The following MIPEP variants were observed in gnomAD, a reference collection of about 807,000 sequenced individuals.
The protein encoded by MIPEP is mitochondrial intermediate peptidase.
MIPEP carries 79 observed loss-of-function variants against 90.3 expected under a neutral mutation model. The ratio of observed to expected loss-of-function variants is 0.87; its 90% confidence interval spans 0.73 to 1.05. MIPEP has a LOEUF of 1.05. Among genes scored for constraint, MIPEP ranks in the 50% least tolerant of loss-of-function variants. The pLI is 0.00. For missense variants in MIPEP, 940 were observed against 905.6 expected (o/e 1.04, Z -0.49); for synonymous variants, 334 against 315.8 (o/e 1.06, Z -0.61).
intron 16 of MIPEP, among the ~76,000 whole-genome samples, chr13:23,789,542 C>T (rs1376651024): frequency 6.6e-6 from 1 of 152,194 alleles, no homozygotes; most frequent in African/African-American, 2.4e-5. Flanking sequence ...GGCCCCATAG[C>T]ATTACTCCAA....
chr13:23,858,241 GT>G (rs1870127955), intron 10 of MIPEP, among the ~76,000 whole-genome samples: 2 of 152,012 alleles, frequency 1.3e-5, no homozygotes, highest in African/African-American at 4.8e-5. Flanking sequence ...CAGAAATAGT[GT>G]GTCTGTAGGG....
At chr13:23,837,905 C>T (rs143749737) in intron 12 of MIPEP, 149 bp from the exon 13 acceptor site, 75 of 580,026 alleles carry the variant, frequency 1.3e-4, no homozygotes, top group African/African-American at 1.2e-3. Context: ...TACATATATA[C>T]ACCTTTTCTT....
At chr13:23,796,602 A>C (rs1404474447) in intron 16 of MIPEP, among the ~76,000 whole-genome samples, 1 of 151,726 alleles carries the variant, frequency 6.6e-6, no homozygotes, top group Non-Finnish European at 1.5e-5. Context: ...AAACAAAAAA[A>C]CTCCACGTAG....
At position 23,840,859 on chromosome 13, in the gene MIPEP, T is replaced by A. The variant is rs80192811; in HGVS notation, c.1260+476A>T. Among the ~76,000 whole-genome samples, 652 of 152,258 alleles carry A rather than the reference T, an allele frequency of 4.3e-3. 2 individuals are homozygous for A. The highest frequency in any genetic ancestry group is 0.015 in the African/African-American group (625 of 41,536). ...TGGGCCTTCACAGGAGAAAGATGATTGCTAGGTTTGAAGTTATTATCAAAG... is the reference window on the plus strand; with the variant it reads ...TGGGCCTTCACAGGAGAAAGATGATAGCTAGGTTTGAAGTTATTATCAAAG... On this transcript the variant is annotated intron_variant, in intron 11 of 18. Transcript: ENST00000382172.
At chr13:23,738,570 C>T (rs1327153687) in intron 18 of MIPEP, among the ~76,000 whole-genome samples, 5 of 151,604 alleles carry the variant, frequency 3.3e-5, no homozygotes, top group African/African-American at 1.2e-4. Flanking sequence ...CCACCTCCGC[C>T]TTCCTCAGCT....
At chr13:23,831,334 T>C (rs1051680118) in intron 14 of MIPEP, among the ~76,000 whole-genome samples, 1 of 125,630 alleles carries the variant, frequency 8.0e-6, no homozygotes. Flanking sequence ...AGGAAAACTC[T>C]GAGTACCCAA....
chr13:23,758,210 A>G (rs183038252), intron 17 of MIPEP, among the ~76,000 whole-genome samples: 44 of 152,270 alleles, frequency 2.9e-4, no homozygotes, highest in Non-Finnish European at 2.9e-5. Flanking sequence ...CATGGGATGT[A>G]GTGCCCTGAC....
rs57512059 is a variant in MIPEP at position 23,831,385 on chromosome 13, G to GCGGGGGGGA, written c.1653+4854_1653+4855insTCCCCCCCG. ...GGGACAGCCTAGCTTCCCCATGGCGGGGGGGGGATGTGGATGGGAATTGCC... is the reference window on the plus strand; with the variant it reads ...GGGACAGCCTAGCTTCCCCATGGCGGCGGGGGGGAGGGGGGGATGTGGATGGGAATTGCC... On this transcript the variant is annotated intron_variant, in intron 14 of 18. Transcript: ENST00000382172. Among the ~76,000 whole-genome samples, 37 of 132,580 alleles carry GCGGGGGGGA rather than the reference G, an allele frequency of 2.8e-4. 1 individual carries two copies. The highest frequency in any genetic ancestry group is 9.9e-4 in the African/African-American group (36 of 36,486). 87.0% of individuals were successfully genotyped at this position (132,580 alleles called of 152,430 possible).
Position 23,870,066 on chromosome 13 carries a change from C to T in MIPEP, c.733G>A (p.Ala245Thr). The T allele has an allele frequency of 6.2e-7, 1 of 1,612,576 alleles. No homozygotes were observed. The change falls in exon 6 of 19, where the codon GCT (alanine) becomes ACT (threonine). Residue 245 changes from alanine to threonine, a missense_variant. Physicochemically the swap from Ala to Thr is moderately conservative, Grantham distance 58 (BLOSUM62 0). Transcript: ENST00000382172. Reference sequence around the variant, plus strand: ...CCATCAATTATGATATGATCCCCAGCAGATGTAAAGTTACGACGAATGTGT... The same window carrying T: ...CCATCAATTATGATATGATCCCCAGTAGATGTAAAGTTACGACGAATGTGT... Reference protein sequence around the residue: ...PEHIRRNFTSAGDHIIIDGLH... With the variant: ...PEHIRRNFTSTGDHIIIDGLH...
At chr13:23,845,879 A>G (rs1869516357) in intron 10 of MIPEP, among the ~76,000 whole-genome samples, 1 of 149,284 alleles carries the variant, frequency 6.7e-6, no homozygotes, top group Non-Finnish European at 1.5e-5. Flanking sequence ...TGATATTTAT[A>G]GTCTATATTT....
chr13:23,797,525 A>C (rs1952976621), intron 16 of MIPEP, among the ~76,000 whole-genome samples: 1 of 151,820 alleles, frequency 6.6e-6, no homozygotes, highest in African/African-American at 2.4e-5. Context: ...CTCTTTTATC[A>C]CCACCTCCCA....
chr13:23,851,284 C>T (rs542944450), intron 10 of MIPEP, among the ~76,000 whole-genome samples: 1 of 152,262 alleles, frequency 6.6e-6, no homozygotes, highest in Admixed American at 6.5e-5. Flanking sequence ...GTGCAATTGG[C>T]CAAGTTATGA....
chr13:23,856,810 T>C (rs1870066162), intron 10 of MIPEP, among the ~76,000 whole-genome samples: 1 of 152,118 alleles, frequency 6.6e-6, no homozygotes, highest in African/African-American at 2.4e-5. Context: ...ATTTACAGAG[T>C]ATAGTTAGTG....
At chr13:23,824,005 G>A (rs1348267858) in intron 14 of MIPEP, among the ~76,000 whole-genome samples, 1 of 152,148 alleles carries the variant, frequency 6.6e-6, no homozygotes, top group African/African-American at 2.4e-5. Context: ...AAACAAAAGT[G>A]GCAATGTTTG....
intron 16 of MIPEP, among the ~76,000 whole-genome samples, chr13:23,802,754 A>C (rs1416585025): frequency 6.6e-6 from 1 of 152,086 alleles, no homozygotes; most frequent in Non-Finnish European, 1.5e-5. Context: ...ATTCAATAGA[A>C]ACTGTACTTT....
chr13:23,732,071 C>T (rs1565975378), intron 18 of MIPEP, among the ~76,000 whole-genome samples: 2 of 149,796 alleles, frequency 1.3e-5, no homozygotes, highest in Admixed American at 6.7e-5. Context: ...CTCACTGCAG[C>T]CTCGACTTCC....
At chr13:23,876,282 G>A (rs985680432) in intron 4 of MIPEP, among the ~76,000 whole-genome samples, 1 of 152,162 alleles carries the variant, frequency 6.6e-6, no homozygotes, top group Non-Finnish European at 1.5e-5. Flanking sequence ...CCTTAATGGT[G>A]GTGGGTCTCA....
chr13:23,884,223 G>T lies in MIPEP; in HGVS notation c.363+2110C>A, dbSNP rs182602403. 5.8e-4 allele frequency among the ~76,000 whole-genome samples: 88 copies of T among 151,060 alleles called. No homozygotes were observed. The South Asian group carries it at 0.015, about 26-fold the overall frequency. On this transcript the variant is annotated intron_variant, in intron 2 of 18. Coordinates refer to ENST00000382172, the MANE Select transcript of MIPEP (RefSeq NM_005932.4). Reference sequence around the variant, plus strand: ...TGGTTGCCAGAGGTTAGTGGGGAGGGGGGGGTGTGACTACAGGGAGATTTT... The same window carrying T: ...TGGTTGCCAGAGGTTAGTGGGGAGGTGGGGGTGTGACTACAGGGAGATTTT...
chr13:23,803,518 T>C (rs564315664), intron 16 of MIPEP, among the ~76,000 whole-genome samples: 22 of 152,324 alleles, frequency 1.4e-4, no homozygotes, highest in African/African-American at 5.3e-4. Flanking sequence ...TTTTTTTCCA[T>C]ATAGAGATCA....
Sources: gnomAD v4.1 joint callset for allele counts (sites outside exome capture counted in the v4.1 genomes callset) on GRCh38, gnomAD v4.1.1 for gene constraint, MANE v1.5 for transcripts, NCBI Gene and HGNC (gene_info 2026-07-23, HGNC 2026-07-21) for gene names.